The following SKIC3 variants were observed in gnomAD, a reference collection of about 807,000 sequenced individuals.
SKIC3 encodes the protein superkiller complex protein 3.
the SKIC3 span, chr5:95,523,762 C>T: frequency 1.9e-6 from 3 of 1,613,516 alleles, no homozygotes; most frequent in African/African-American, 4.0e-5. Flanking sequence ...CTGTTTTTAT[C>T]TCCCACTACG....
chr5:95,493,818 AATATT>A, the SKIC3 span, among the ~76,000 whole-genome samples: 1 of 150,482 alleles, frequency 6.6e-6, no homozygotes, highest in Non-Finnish European at 1.5e-5. Flanking sequence ...TATTTAAAAT[AATATT>A]ATATTATATA....
At chr5:95,530,813 C>T in the SKIC3 span, among the ~76,000 whole-genome samples, 4 of 152,084 alleles carry the variant, frequency 2.6e-5, no homozygotes, top group Non-Finnish European at 5.9e-5. Flanking sequence ...TCATCCAATG[C>T]CTACATTTAT....
At chr5:95,536,787 G>A in the SKIC3 span, 3 of 1,540,002 alleles carry the variant, frequency 1.9e-6, no homozygotes, top group Non-Finnish European at 2.7e-6. Context: ...CACACCTCTA[G>A]GACACACACT....
chr5:95,464,017 T>G, the SKIC3 span: 2 of 152,316 alleles, frequency 1.3e-5, no homozygotes, highest in African/African-American at 4.8e-5. Flanking sequence ...TTCACACACC[T>G]GAGTGTTTGG....
chr5:95,532,854 T>C, the SKIC3 span, among the ~76,000 whole-genome samples: 4 of 152,096 alleles, frequency 2.6e-5, no homozygotes, highest in South Asian at 6.2e-4. Context: ...ACTATGAAAT[T>C]CTGTTTCTTA....
At chr5:95,527,879 A>G in the SKIC3 span, 2 of 924,878 alleles carry the variant, frequency 2.2e-6, 1 homozygote, top group South Asian at 3.0e-5. Context: ...ATGACTTATA[A>G]AAGTGCAGAT....
At chr5:95,519,973 A>T in the SKIC3 span, among the ~76,000 whole-genome samples, 1 of 152,064 alleles carries the variant, frequency 6.6e-6, no homozygotes, top group Non-Finnish European at 1.5e-5. Flanking sequence ...TTAGGTTTTC[A>T]TTTCATATTT....
chr5:95,497,353 T>G, the SKIC3 span: 6 of 1,340,294 alleles, frequency 4.5e-6, no homozygotes, highest in Non-Finnish European at 6.3e-6. Flanking sequence ...AGTTTAAAAT[T>G]ATCATATTTA....
At chr5:95,469,678 G>A in the SKIC3 span, 2 of 1,513,422 alleles carry the variant, frequency 1.3e-6, no homozygotes, top group Admixed American at 1.7e-5. Flanking sequence ...TGTTAAATTG[G>A]TCTGTTACAA....
the SKIC3 span, among the ~76,000 whole-genome samples, chr5:95,490,504 A>G: frequency 6.2e-5 from 9 of 144,262 alleles, no homozygotes; most frequent in South Asian, 2.1e-4. Flanking sequence ...ATATATATAT[A>G]TTTTTTTTTT....
the SKIC3 span, chr5:95,469,894 T>C: frequency 3.6e-5 from 58 of 1,613,990 alleles, no homozygotes; most frequent in Non-Finnish European, 4.6e-5. Context: ...TGGCCAGTGA[T>C]CATTGGAAAT....
the SKIC3 span, among the ~76,000 whole-genome samples, chr5:95,492,652 G>GAAGAAAAAAAAA: frequency 2.0e-5 from 1 of 48,836 alleles, no homozygotes; most frequent in African/African-American, 1.4e-4. Context: ...AAAAAAAAAA[G>GAAGAAAAAAAAA]AAAAAAAAAA....
chr5:95,515,097 T>C, the SKIC3 span: 1 of 598,944 alleles, frequency 1.7e-6, no homozygotes, highest in Non-Finnish European at 3.0e-6. Context: ...AACTACACAG[T>C]TCTGGAACAC....
At chr5:95,517,238 A>C in the SKIC3 span, 2 of 1,613,282 alleles carry the variant, frequency 1.2e-6, no homozygotes, top group African/African-American at 2.7e-5. Context: ...CATTCACTTT[A>C]GATGGTGCGA....
chr5:95,495,296 T>G, the SKIC3 span: 1 of 385,244 alleles, frequency 2.6e-6, no homozygotes, highest in Non-Finnish European at 4.7e-6. Context: ...ATGTACACAT[T>G]TTCTAACAAT....
the SKIC3 span, chr5:95,512,591 A>G: frequency 6.2e-7 from 1 of 1,613,898 alleles, no homozygotes; most frequent in Non-Finnish European, 8.5e-7. Flanking sequence ...GTGCAGACCC[A>G]ATACGCATAA....
the SKIC3 span, among the ~76,000 whole-genome samples, chr5:95,501,815 A>G: frequency 6.6e-6 from 1 of 152,174 alleles, no homozygotes; most frequent in Admixed American, 6.5e-5. Context: ...TGCAGTAATC[A>G]TGAGTATCTA....
the SKIC3 span, chr5:95,516,551 T>C: frequency 1.2e-6 from 2 of 1,613,340 alleles, no homozygotes; most frequent in African/African-American, 1.3e-5. Context: ...ATTGATTTGA[T>C]GAAACAGTGC....
At chr5:95,514,625 G>C in the SKIC3 span, among the ~76,000 whole-genome samples, 1 of 152,132 alleles carries the variant, frequency 6.6e-6, no homozygotes, top group Admixed American at 6.5e-5. Context: ...ACACTTAGGA[G>C]CTCTGAGTTT....
Sources: allele counts gnomAD v4.1 joint callset (sites outside exome capture counted in the v4.1 genomes callset), GRCh38; gene constraint gnomAD v4.1.1; transcripts MANE v1.5; gene names NCBI Gene and HGNC (gene_info 2026-07-23, HGNC 2026-07-21).